The following SNX3 variants were observed in gnomAD, a reference collection of about 807,000 sequenced individuals.
The protein encoded by SNX3 is sorting nexin-3.
In SNX3, 5 loss-of-function variants were observed where a neutral mutation model predicts 17.7. The observed-to-expected ratio is 0.28, with a 90% CI of 0.15 to 0.59. The LOEUF is 0.59. Ranked by LOEUF, SNX3 falls within the 20% of genes least tolerant of loss-of-function variation. The probability of loss-of-function intolerance (pLI) is 0.88; values close to 1 mark genes in which losing one functional copy is unlikely to be tolerated. For synonymous variants in SNX3, 91 were observed against 76.5 expected, an observed-to-expected ratio of 1.19 and a Z score of -0.99; for missense variants, 132 against 206.8, an observed-to-expected ratio of 0.64 and a Z score of 2.22.
chr6:108,224,493 G>C lies in SNX3; in HGVS notation c.163-1448C>G, dbSNP rs545610653. On this transcript the variant is annotated intron_variant, in intron 1 of 3. Coordinates refer to ENST00000230085, the MANE Select transcript of SNX3 (RefSeq NM_003795.6). ...GAGGGGGTTTCACCGTGTTAGCCAG[G>C]ATGGTCTCCATCTCCTGACCGCGTG... Among the ~76,000 whole-genome samples, 3 of 152,160 alleles carry C rather than the reference G, an allele frequency of 2.0e-5. No homozygotes were observed. In the South Asian group the frequency reaches 6.2e-4, roughly 32 times the overall value.
intron 1 of SNX3, among the ~76,000 whole-genome samples, chr6:108,238,118 A>AAC (rs1775407125): frequency 6.6e-6 from 1 of 151,014 alleles, no homozygotes; most frequent in African/African-American, 2.4e-5. Flanking sequence ...AAAAAAAAAA[A>AAC]AACAAACAAA....
At chr6:108,228,510 C>A (rs938774402) in intron 1 of SNX3, among the ~76,000 whole-genome samples, 2 of 151,788 alleles carry the variant, frequency 1.3e-5, no homozygotes, top group African/African-American at 4.8e-5. Flanking sequence ...TGCGCCACTG[C>A]ACTCCAGCCT....
At chr6:108,236,757 T>C (rs1340764881) in intron 1 of SNX3, among the ~76,000 whole-genome samples, 1 of 152,146 alleles carries the variant, frequency 6.6e-6, no homozygotes, top group Non-Finnish European at 1.5e-5. Flanking sequence ...TGGAAAACTA[T>C]AAAAAACATG....
chr6:108,234,628 C>T (rs1189884682), intron 1 of SNX3, among the ~76,000 whole-genome samples: 3 of 152,234 alleles, frequency 2.0e-5, no homozygotes, highest in African/African-American at 7.2e-5. Flanking sequence ...GATATCCTTA[C>T]AATTAAAAAA....
At chr6:108,248,517 A>G (rs1411435232) in intron 1 of SNX3, among the ~76,000 whole-genome samples, 1 of 152,208 alleles carries the variant, frequency 6.6e-6, no homozygotes, top group African/African-American at 2.4e-5. Flanking sequence ...CAACTCTAAA[A>G]AAGAAATTTA....
At chr6:108,212,375 T>C (rs1396089271) in intron 3 of SNX3, 121 bp from the exon 4 acceptor site, 20 of 637,394 alleles carry the variant, frequency 3.1e-5, no homozygotes, top group Non-Finnish European at 5.1e-5. Context: ...AGTCTTGCTC[T>C]GTTGCACAGG....
At chr6:108,227,610 A>G (rs1017043229) in intron 1 of SNX3, among the ~76,000 whole-genome samples, 3 of 152,202 alleles carry the variant, frequency 2.0e-5, no homozygotes, top group East Asian at 1.9e-4. Context: ...TTAGCTTAAG[A>G]AAGTTCCTTT....
chr6:108,241,615 TA>T lies in SNX3; in HGVS notation c.163-18571del, dbSNP rs556126037. ...AGGGTGACCCTTAGAAAACCTGGCT[TA>T]AAAAAAAAAAATTGATCCGTGCTAT... On this transcript the variant is annotated intron_variant, in intron 1 of 3. Transcript: ENST00000230085. Among the ~76,000 whole-genome samples the T allele has an allele frequency of 4.3e-4, 62 of 143,094 alleles. 1 individual carries two copies. The highest frequency in any genetic ancestry group is 3.6e-3 in the Middle Eastern group (1 of 280). 93.9% of individuals were successfully genotyped at this position (143,094 alleles called of 152,430 possible).
At chr6:108,230,220 T>C (rs540438019) in intron 1 of SNX3, among the ~76,000 whole-genome samples, 1 of 152,102 alleles carries the variant, frequency 6.6e-6, no homozygotes, top group African/African-American at 2.4e-5. Context: ...ACTAAAACTT[T>C]TGAAATTTAA....
chr6:108,228,607 G>A (rs1334867123), intron 1 of SNX3, among the ~76,000 whole-genome samples: 2 of 152,108 alleles, frequency 1.3e-5, no homozygotes, highest in Non-Finnish European at 2.9e-5. Flanking sequence ...TAAGGTGTCA[G>A]GATGGCTTCA....
chr6:108,247,226 T>C (rs1445544128), intron 1 of SNX3, among the ~76,000 whole-genome samples: 4 of 152,250 alleles, frequency 2.6e-5, no homozygotes, highest in African/African-American at 9.6e-5. Context: ...AGCTATGCAA[T>C]ACTGTGAGTC....
At chr6:108,252,076 A>C (rs1217854089) in intron 1 of SNX3, 1 of 146,956 alleles carries the variant, frequency 6.8e-6, no homozygotes, top group East Asian at 1.9e-4. Context: ...AAAATAAATA[A>C]ATAAATAAAA....
At chr6:108,260,107 T>C (rs1457151654) in intron 1 of SNX3, among the ~76,000 whole-genome samples, 2 of 152,246 alleles carry the variant, frequency 1.3e-5, no homozygotes, top group Non-Finnish European at 2.9e-5. Context: ...TAGTCTTTTC[T>C]TAAAGCAACT....
intron 1 of SNX3, among the ~76,000 whole-genome samples, chr6:108,240,176 A>T (rs561842217): frequency 2.0e-5 from 3 of 152,144 alleles, no homozygotes; most frequent in Non-Finnish European, 4.4e-5. Context: ...AAGAAAAACT[A>T]CTCAACTCAG....
rs71015538 is a variant in SNX3, at chr6:108,246,313, CTTTTTTTTTTTTTTTTTT to C, written c.162+14429_162+14446del. On this transcript the variant is annotated intron_variant, in intron 1 of 3. Transcript: ENST00000230085. ...AATTCTTAAAAGAGCTTTGAGCATT[CTTTTTTTTTTTTTTTTTT>C]TTTTTTTTTTTGAGATAGGGTCATG... 4.2e-5 allele frequency among the ~76,000 whole-genome samples: 2 copies of C among 47,972 alleles called. 1 individual carries two copies. The highest frequency in any genetic ancestry group is 7.6e-5 in the Non-Finnish European group (2 of 26,412). The allele number at this position is 47,972 out of a possible 152,430, so 31.5% of individuals were successfully genotyped here.
At chr6:108,221,528 T>G (rs1334582903) in intron 2 of SNX3, among the ~76,000 whole-genome samples, 2 of 136,934 alleles carry the variant, frequency 1.5e-5, no homozygotes, top group Non-Finnish European at 3.1e-5. Context: ...AATACAGTAT[T>G]ACACTTTTTT....
chr6:108,215,222 C>T (rs1774531646), intron 2 of SNX3, among the ~76,000 whole-genome samples: 1 of 151,898 alleles, frequency 6.6e-6, no homozygotes, highest in Non-Finnish European at 1.5e-5. Flanking sequence ...TGGTGGCGGG[C>T]GCCTGTAGGC....
chr6:108,215,344 G>A (rs761851695), intron 2 of SNX3, among the ~76,000 whole-genome samples: 2 of 140,948 alleles, frequency 1.4e-5, no homozygotes, highest in Non-Finnish European at 3.0e-5. Flanking sequence ...GTGAGACTCC[G>A]TCTAGAAAAA....
intron 1 of SNX3, among the ~76,000 whole-genome samples, chr6:108,229,524 C>T (rs1042867259): frequency 2.0e-5 from 3 of 150,662 alleles, no homozygotes; most frequent in African/African-American, 7.3e-5. Flanking sequence ...CCTTCCACCT[C>T]AGCCTCCCAA....
Sources: allele counts gnomAD v4.1 joint callset (sites outside exome capture counted in the v4.1 genomes callset), GRCh38; gene constraint gnomAD v4.1.1; transcripts MANE v1.5; gene names NCBI Gene and HGNC (gene_info 2026-07-23, HGNC 2026-07-21).